NPAS3: variants seen among roughly 807,000 people sequenced by gnomAD.
The protein encoded by NPAS3 is neuronal PAS domain-containing protein 3.
NPAS3 carries 14 observed loss-of-function variants against 73.1 expected under a neutral mutation model. That is an observed-to-expected ratio of 0.19 (90% CI 0.13 to 0.30). The LOEUF is 0.30. Among genes scored for constraint, NPAS3 ranks in the 10% least tolerant of loss-of-function variants. The pLI is 1.00. For missense variants in NPAS3, 1,096 were observed against 1,250.0 expected (o/e 0.88, Z 1.86); for synonymous variants, 620 against 541.5 (o/e 1.14, Z -2.01).
At chr14:33,085,875 A>C (rs1443503450) in intron 2 of NPAS3, among the ~76,000 whole-genome samples, 1 of 152,232 alleles carries the variant, frequency 6.6e-6, no homozygotes, top group African/African-American at 2.4e-5. Context: ...CAGCTGTAAC[A>C]ATTCATTGAC....
chr14:33,089,492 G>C (rs955244400), intron 2 of NPAS3, among the ~76,000 whole-genome samples: 1 of 152,144 alleles, frequency 6.6e-6, no homozygotes, highest in Non-Finnish European at 1.5e-5. Flanking sequence ...AGAAATATGG[G>C]ACTATGTGAA....
chr14:33,159,394 C>T (rs1340646951), intron 2 of NPAS3, among the ~76,000 whole-genome samples: 2 of 151,944 alleles, frequency 1.3e-5, no homozygotes, highest in Non-Finnish European at 2.9e-5. Flanking sequence ...CCTACAACCC[C>T]CAAGGTAAAA....
chr14:33,699,411 CTGAG>C (rs1440950273), intron 6 of NPAS3, among the ~76,000 whole-genome samples: 5 of 152,144 alleles, frequency 3.3e-5, no homozygotes, highest in African/African-American at 7.2e-5. Context: ...AGCGCACTCT[CTGAG>C]TAAGTTCTGG....
chr14:33,675,915 G>C (rs2059748881), intron 5 of NPAS3, among the ~76,000 whole-genome samples: 1 of 151,440 alleles, frequency 6.6e-6, no homozygotes, highest in African/African-American at 2.4e-5. Context: ...TAAAACAGCT[G>C]AATACAAGGC....
intron 1 of NPAS3, among the ~76,000 whole-genome samples, chr14:33,040,479 G>C (rs1353656765): frequency 1.3e-5 from 2 of 152,132 alleles, no homozygotes. Context: ...ATTCTTACAT[G>C]CATTTGGTTA....
chr14:33,450,317 A>G (rs1260248397), intron 4 of NPAS3, among the ~76,000 whole-genome samples: 1 of 152,228 alleles, frequency 6.6e-6, no homozygotes, highest in African/African-American at 2.4e-5. Context: ...TCATCGGAAA[A>G]GAAAAAAGCC....
chr14:33,206,751 A>G (rs908602552), intron 2 of NPAS3, among the ~76,000 whole-genome samples: 2 of 152,134 alleles, frequency 1.3e-5, no homozygotes, highest in Non-Finnish European at 2.9e-5. Flanking sequence ...CAGAAATAAC[A>G]TGTATCCTTT....
At chr14:33,450,195 T>C (rs1037238081) in intron 4 of NPAS3, among the ~76,000 whole-genome samples, 1 of 152,236 alleles carries the variant, frequency 6.6e-6, no homozygotes, top group Non-Finnish European at 1.5e-5. Flanking sequence ...CTTTTCTTTA[T>C]GCAACATATA....
At chr14:33,511,330 TATTATAC>T (rs2053040179) in intron 4 of NPAS3, among the ~76,000 whole-genome samples, 1 of 152,078 alleles carries the variant, frequency 6.6e-6, no homozygotes, top group Admixed American at 6.6e-5. Flanking sequence ...AAATCATTTG[TATTATAC>T]ATTATACAAC....
chr14:33,396,916 A>G (rs1013521384), intron 4 of NPAS3, among the ~76,000 whole-genome samples: 5 of 152,302 alleles, frequency 3.3e-5, no homozygotes, highest in Admixed American at 2.6e-4. Flanking sequence ...ATATAAACAT[A>G]TTCTATGATC....
intron 5 of NPAS3, among the ~76,000 whole-genome samples, chr14:33,611,861 A>G (rs2057759633): frequency 6.6e-6 from 1 of 151,958 alleles, no homozygotes; most frequent in Non-Finnish European, 1.5e-5. Context: ...TTTCCTTAAT[A>G]TAATCTATTT....
At chr14:33,774,625 G>T in intron 8 of NPAS3, 95 bp downstream of exon 8, 1 of 976,322 alleles carries the variant, frequency 1.0e-6, no homozygotes. Flanking sequence ...TCCCAGTGAG[G>T]TTCATTCTAA....
intron 3 of NPAS3, among the ~76,000 whole-genome samples, chr14:33,226,807 G>A (rs1334874361): frequency 6.6e-6 from 1 of 152,124 alleles, no homozygotes; most frequent in Admixed American, 6.6e-5. Flanking sequence ...GTAATGTTTT[G>A]TAATTAAAGC....
chr14:33,348,697 T>C lies in NPAS3; in HGVS notation c.386-18489T>C, dbSNP rs370692940. Among the ~76,000 whole-genome samples, 32 of 152,280 alleles carry C rather than the reference T, an allele frequency of 2.1e-4. No individual in the cohort carries two copies. In the South Asian group the frequency reaches 6.6e-3, roughly 32 times the overall value. On this transcript the variant is annotated intron_variant, in intron 3 of 11. Coordinates refer to ENST00000356141, the Ensembl canonical transcript of NPAS3. Reference sequence around the variant, plus strand: ...GTAGTAGTTCCAGTGTTTCCAGCCATTCCTAGAGCCCAGGAGCCATGCCAA... The same window carrying C: ...GTAGTAGTTCCAGTGTTTCCAGCCACTCCTAGAGCCCAGGAGCCATGCCAA...
chr14:33,333,975 A>G (rs1276113055), intron 3 of NPAS3, among the ~76,000 whole-genome samples: 1 of 152,156 alleles, frequency 6.6e-6, no homozygotes, highest in Non-Finnish European at 1.5e-5. Context: ...GAATCAAAGT[A>G]TCATGTAAAT....
intron 2 of NPAS3, among the ~76,000 whole-genome samples, chr14:33,075,678 A>C (rs919880852): frequency 6.6e-6 from 1 of 152,240 alleles, no homozygotes; most frequent in East Asian, 1.9e-4. Flanking sequence ...TTGAGCTGGC[A>C]AAAGAGGGAG....
At chr14:33,270,483 AAGAG>A (rs376094014) in intron 3 of NPAS3, among the ~76,000 whole-genome samples, 9 of 152,228 alleles carry the variant, frequency 5.9e-5, no homozygotes, top group South Asian at 2.1e-4. Flanking sequence ...GTGTGTGTGT[AAGAG>A]AGAGGGAGAA....
intron 7 of NPAS3, among the ~76,000 whole-genome samples, chr14:33,770,394 A>G (rs1384632692): frequency 2.0e-5 from 3 of 152,194 alleles, no homozygotes; most frequent in Non-Finnish European, 4.4e-5. Flanking sequence ...CATAACCAGG[A>G]TCAAAACCCC....
Position 33,333,581 on chromosome 14 carries a change from C to T in NPAS3, c.386-33605C>T, listed in dbSNP as rs10147343. Among the ~76,000 whole-genome samples, 957 of 114,688 alleles carry T rather than the reference C, an allele frequency of 8.3e-3. 12 individuals are homozygous for T. Among genetic ancestry groups the T allele is most frequent in the African/African-American group, 0.024 (910 of 37,398 alleles). 75.2% of individuals were successfully genotyped at this position (114,688 alleles called of 152,430 possible). ...TTAAATGAGAAAACTGAGACTCATA[C>T]CCAGACTTTTTTTTCCTGGGAGTCC... On this transcript the variant is annotated intron_variant, in intron 3 of 11. Coordinates refer to ENST00000356141, the Ensembl canonical transcript of NPAS3.
Sources: allele counts gnomAD v4.1 joint callset (sites outside exome capture counted in the v4.1 genomes callset), GRCh38; gene constraint gnomAD v4.1.1; transcripts MANE v1.5; gene names NCBI Gene and HGNC (gene_info 2026-07-23, HGNC 2026-07-21).